Variants in PDE1A observed in about 807,000 individuals in gnomAD.
PDE1A encodes the protein phosphodiesterase 1A, also known as dual specificity calcium/calmodulin-dependent 3',5'-cyclic nucleotide phosphodiesterase 1A.
PDE1A carries 35 observed loss-of-function variants against 61.7 expected under a neutral mutation model. The observed-to-expected ratio is 0.57, with a 90% CI of 0.43 to 0.75. The LOEUF (loss-of-function observed/expected upper bound fraction) is 0.75. Among genes scored for constraint, PDE1A ranks in the 30% least tolerant of loss-of-function variants. The pLI is 0.00. For missense variants in PDE1A, 597 were observed against 630.6 expected (o/e 0.95, Z 0.57); for synonymous variants, 232 against 213.2 (o/e 1.09, Z -0.77).
At chr2:182,281,659 T>A (rs1367999199) in intron 1 of PDE1A, among the ~76,000 whole-genome samples, 1 of 151,978 alleles carries the variant, frequency 6.6e-6, no homozygotes, top group African/African-American at 2.4e-5. Context: ...AAGAAATCAG[T>A]GGAGTGTGAT....
chr2:182,166,369 T>G (rs1046101103), downstream of PDE1A, among the ~76,000 whole-genome samples: 1 of 152,108 alleles, frequency 6.6e-6, no homozygotes, highest in African/African-American at 2.4e-5. Context: ...GCTCTGGCTT[T>G]CTCTCTTTCC....
the PDE1A span, among the ~76,000 whole-genome samples, chr2:182,639,461 A>G: frequency 0.62 from 93,653 of 152,016 alleles, 29,099 homozygotes; most frequent in Admixed American, 0.71. Flanking sequence ...ACAGCTGCTC[A>G]GGAGGTCGAG....
intron 1 of PDE1A, among the ~76,000 whole-genome samples, chr2:182,264,933 G>A (rs1025648587): frequency 7.6e-6 from 1 of 132,104 alleles, no homozygotes; most frequent in South Asian, 2.5e-4. Context: ...GCCATAAAAA[G>A]GAATAAAATA....
chr2:182,274,480 T>C (rs1290867712), intron 1 of PDE1A, among the ~76,000 whole-genome samples: 1 of 152,088 alleles, frequency 6.6e-6, no homozygotes, highest in Non-Finnish European at 1.5e-5. Flanking sequence ...TAGAAGTCCT[T>C]CTGTTACTCT....
upstream of PDE1A, chr2:182,427,143 G>A: frequency 3.5e-6 from 1 of 289,738 alleles, no homozygotes; most frequent in Non-Finnish European, 5.2e-6. Context: ...AGTACCCTCT[G>A]AAAGTTTGTT....
At chr2:182,275,911 G>T (rs1394307320) in intron 1 of PDE1A, among the ~76,000 whole-genome samples, 1 of 151,960 alleles carries the variant, frequency 6.6e-6, no homozygotes, top group Non-Finnish European at 1.5e-5. Flanking sequence ...ATTTGCACAT[G>T]ACTAATACTT....
At chr2:182,608,625 C>T in the PDE1A span, among the ~76,000 whole-genome samples, 3 of 152,232 alleles carry the variant, frequency 2.0e-5, no homozygotes, top group Non-Finnish European at 4.4e-5. Flanking sequence ...CTCGCCGGGC[C>T]TTAGCTGCCT....
At chr2:182,177,716 T>C (rs1684387630) in intron 13 of PDE1A, among the ~76,000 whole-genome samples, 1 of 151,578 alleles carries the variant, frequency 6.6e-6, no homozygotes, top group African/African-American at 2.4e-5. Flanking sequence ...CTTTGTTCTT[T>C]CATTTGGATT....
chr2:182,476,642 GT>G (rs1687383078), intron 2 of PDE1A, among the ~76,000 whole-genome samples: 2 of 152,012 alleles, frequency 1.3e-5, no homozygotes, highest in Non-Finnish European at 2.9e-5. Flanking sequence ...TAAAATTAAT[GT>G]GGAATGTTGC....
the PDE1A span, among the ~76,000 whole-genome samples, chr2:182,700,540 G>A: frequency 2.6e-5 from 4 of 151,708 alleles, no homozygotes; most frequent in Non-Finnish European, 4.4e-5. Context: ...TGGCCAACAC[G>A]GTGAAACCCC....
chr2:182,140,299 G>C (rs1690173925), exon 15 of PDE1A: 1 of 152,116 alleles, frequency 6.6e-6, no homozygotes, highest in Non-Finnish European at 1.5e-5. Flanking sequence ...CCAGCCAGGA[G>C]CTTATGAATA....
chr2:182,440,223 T>C (rs1203384244), intron 2 of PDE1A, among the ~76,000 whole-genome samples: 4 of 152,096 alleles, frequency 2.6e-5, no homozygotes, highest in Admixed American at 2.0e-4. Flanking sequence ...CTAGTCTACA[T>C]ATTTTCTTCC....
intron 7 of PDE1A, among the ~76,000 whole-genome samples, chr2:182,217,918 G>A (rs1688350159): frequency 6.6e-6 from 1 of 151,822 alleles, no homozygotes; most frequent in South Asian, 2.1e-4. Flanking sequence ...CCCATTACTG[G>A]GTATATACCC....
At chr2:182,342,311 G>A (rs1255944674) in intron 1 of PDE1A, among the ~76,000 whole-genome samples, 1 of 152,026 alleles carries the variant, frequency 6.6e-6, no homozygotes, top group Non-Finnish European at 1.5e-5. Context: ...ATATTTGTAG[G>A]TTTGTTACAT....
At chr2:182,631,923 T>C in the PDE1A span, among the ~76,000 whole-genome samples, 9 of 152,168 alleles carry the variant, frequency 5.9e-5, no homozygotes, top group Non-Finnish European at 8.8e-5. Context: ...TTCTCATAAA[T>C]AAAAAAGCAT....
chr2:182,503,646 C>T (rs1179254801), intron 2 of PDE1A, among the ~76,000 whole-genome samples: 1 of 152,164 alleles, frequency 6.6e-6, no homozygotes, highest in Non-Finnish European at 1.5e-5. Context: ...CTATTCACTT[C>T]ATTAAGGTCT....
intron 1 of PDE1A, among the ~76,000 whole-genome samples, chr2:182,414,091 T>C (rs1380241048): frequency 1.3e-5 from 2 of 152,088 alleles, no homozygotes; most frequent in African/African-American, 4.8e-5. Flanking sequence ...GAGGATCACC[T>C]AACAGAAGAC....
At chr2:182,475,427 G>GTTT (rs1345561402) in intron 2 of PDE1A, among the ~76,000 whole-genome samples, 1 of 151,896 alleles carries the variant, frequency 6.6e-6, no homozygotes, top group African/African-American at 2.4e-5. Flanking sequence ...TTTATATACA[G>GTTT]TATCTCACTG....
chr2:182,368,738 T>C (rs1276098282), intron 1 of PDE1A, among the ~76,000 whole-genome samples: 2 of 152,178 alleles, frequency 1.3e-5, no homozygotes, highest in Non-Finnish European at 2.9e-5. Context: ...TGAGTGAACT[T>C]GGGCATGTTA....
Sources: gnomAD v4.1 joint callset for allele counts (sites outside exome capture counted in the v4.1 genomes callset) on GRCh38, gnomAD v4.1.1 for gene constraint, MANE v1.5 for transcripts, NCBI Gene and HGNC (gene_info 2026-07-23, HGNC 2026-07-21) for gene names.